FNIP2: variants seen among roughly 807,000 people sequenced by gnomAD.
The protein encoded by FNIP2 is folliculin interacting protein 2.
In FNIP2, 32 loss-of-function variants were observed where a neutral mutation model predicts 108.7. The observed-to-expected ratio is 0.29, with a 90% CI of 0.22 to 0.40. The LOEUF is 0.40. Ranked by LOEUF, FNIP2 falls within the 10% of genes least tolerant of loss-of-function variation. The pLI, the probability that FNIP2 is intolerant of heterozygous loss-of-function variation, is 1.00. For missense variants in FNIP2, 1,202 were observed against 1,381.6 expected (o/e 0.87, Z 2.06); for synonymous variants, 480 against 496.7 (o/e 0.97, Z 0.45).
chr4:158,774,328 ATGAAT>A (rs1433437187), intron 1 of FNIP2, among the ~76,000 whole-genome samples: 11 of 152,124 alleles, frequency 7.2e-5, no homozygotes, highest in African/African-American at 2.7e-4. Context: ...TTTTGCTCTA[ATGAAT>A]TTGTGTTACT....
intron 1 of FNIP2, among the ~76,000 whole-genome samples, chr4:158,794,425 G>T (rs1776516515): frequency 6.6e-6 from 1 of 152,124 alleles, no homozygotes; most frequent in South Asian, 2.1e-4. Flanking sequence ...GCCTCCCAAA[G>T]TACTGGGATC....
chr4:158,858,402 C>A (rs921850060), intron 8 of FNIP2, among the ~76,000 whole-genome samples: 1 of 152,114 alleles, frequency 6.6e-6, no homozygotes, highest in Non-Finnish European at 1.5e-5. Context: ...AGGCTTACCC[C>A]ACAAGACAAA....
intron 14 of FNIP2, among the ~76,000 whole-genome samples, chr4:158,873,622 A>G (rs1008637495): frequency 1.1e-4 from 17 of 152,230 alleles, no homozygotes; most frequent in African/African-American, 3.4e-4. Context: ...CTAGTCTCTT[A>G]TGAAAGAAAG....
At chr4:158,776,768 G>A (rs1775875182) in intron 1 of FNIP2, among the ~76,000 whole-genome samples, 1 of 152,220 alleles carries the variant, frequency 6.6e-6, no homozygotes, top group East Asian at 1.9e-4. Context: ...TTGGCAGGAA[G>A]TTGGCGTTTA....
At chr4:158,848,063 T>C (rs767948512) in intron 7 of FNIP2, among the ~76,000 whole-genome samples, 1 of 152,172 alleles carries the variant, frequency 6.6e-6, no homozygotes, top group Non-Finnish European at 1.5e-5. Context: ...AGGGGGAACT[T>C]GCCACCTTTG....
At chr4:158,864,553 T>G (rs886154032) in intron 12 of FNIP2, among the ~76,000 whole-genome samples, 4 of 152,180 alleles carry the variant, frequency 2.6e-5, no homozygotes. Flanking sequence ...TTTTGTTCTC[T>G]CTCAGCTTCT....
chr4:158,904,041 G>A (rs1030474121), intron 16 of FNIP2, among the ~76,000 whole-genome samples: 27 of 152,138 alleles, frequency 1.8e-4, no homozygotes, highest in African/African-American at 5.1e-4. Context: ...TACCATCATC[G>A]TTTTTCTAAG....
At chr4:158,834,873 A>C (rs1402947617) in intron 6 of FNIP2, 2 of 154,046 alleles carry the variant, frequency 1.3e-5, no homozygotes, top group African/African-American at 2.4e-5. Flanking sequence ...TGGAGGAAGA[A>C]ATATTTGAAA....
chr4:158,804,440 GTCTC>G (rs906813754), intron 1 of FNIP2, among the ~76,000 whole-genome samples: 4 of 149,846 alleles, frequency 2.7e-5, no homozygotes, highest in Non-Finnish European at 5.9e-5. Flanking sequence ...TGGACACAGG[GTCTC>G]TCTCTGTTGT....
chr4:158,813,084 C>A (rs1431458171), intron 1 of FNIP2, among the ~76,000 whole-genome samples: 1 of 152,102 alleles, frequency 6.6e-6, no homozygotes, highest in Admixed American at 6.6e-5. Flanking sequence ...TCCTTTTTAG[C>A]ACTGAATAAT....
intron 1 of FNIP2, among the ~76,000 whole-genome samples, chr4:158,800,229 G>A (rs1026862485): frequency 1.7e-4 from 26 of 152,140 alleles, no homozygotes; most frequent in Non-Finnish European, 2.2e-4. Flanking sequence ...CGTATAATAT[G>A]TGTACTTTAA....
chr4:158,883,308 C>A (rs1386388524), intron 14 of FNIP2, among the ~76,000 whole-genome samples: 1 of 152,080 alleles, frequency 6.6e-6, no homozygotes, highest in Admixed American at 6.5e-5. Flanking sequence ...GTGGCGCAGT[C>A]TCGGCTCACT....
intron 1 of FNIP2, among the ~76,000 whole-genome samples, chr4:158,775,122 C>T (rs538411375): frequency 9.9e-5 from 15 of 152,080 alleles, no homozygotes; most frequent in South Asian, 4.1e-4. Context: ...TTGTCCTTGC[C>T]GTCATGAAAT....
In FNIP2 at chr4:158,895,838, A is replaced by G. The variant is rs1218665079; in HGVS notation, c.3239A>G (p.His1080Arg). Residue 1080 changes from histidine to arginine, a missense_variant, in exon 16 of 17, where the codon CAT (histidine) becomes CGT (arginine). Physicochemically the swap from His to Arg is conservative, Grantham distance 29. This residue lies in a region of FNIP2 where 142 missense variants were observed against 183.8 expected (regional missense o/e 0.77). Coordinates refer to ENST00000264433, the MANE Select transcript of FNIP2 (RefSeq NM_020840.3). ...TATCTCCGGGGACACACACGAGTCC[A>G]TGTGAAAGAATTAGGTGTCGTACTG... is the stretch of plus-strand genomic sequence containing the variant. ...SEYLRGHTRV[H>R]VKELGVVLGI... The G allele has an allele frequency of 6.2e-7, 1 of 1,612,954 alleles. No homozygotes were observed. The highest frequency in any genetic ancestry group is 8.5e-7 in the Non-Finnish European group (1 of 1,179,408).
At chr4:158,864,477 G>A (rs937512926) in intron 12 of FNIP2, among the ~76,000 whole-genome samples, 5 of 152,168 alleles carry the variant, frequency 3.3e-5, no homozygotes, top group East Asian at 3.8e-4. Context: ...CAACATAGAC[G>A]TTATTAGAAT....
chr4:158,875,380 A>C (rs1578958237), intron 14 of FNIP2, among the ~76,000 whole-genome samples: 1 of 151,818 alleles, frequency 6.6e-6, no homozygotes, highest in Non-Finnish European at 1.5e-5. Flanking sequence ...TTTACAGAAT[A>C]ATTTATAAGA....
At chr4:158,816,801 AT>A (rs1332934273) in intron 1 of FNIP2, among the ~76,000 whole-genome samples, 1 of 147,994 alleles carries the variant, frequency 6.8e-6, no homozygotes, top group Non-Finnish European at 1.5e-5. Context: ...AAAAAAAAAA[AT>A]TAGCTCAGTG....
chr4:158,871,656 T>C, intron 14 of FNIP2: 3 of 985,398 alleles, frequency 3.0e-6, no homozygotes, highest in Non-Finnish European at 3.6e-6. Context: ...CAAACGTTCC[T>C]AACCCCACCC....
intron 7 of FNIP2, among the ~76,000 whole-genome samples, chr4:158,849,591 G>A (rs543385955): frequency 1.3e-5 from 2 of 152,176 alleles, no homozygotes; most frequent in Admixed American, 6.5e-5. Context: ...GGAACTAGGG[G>A]GCAGGACAGA....
Sources: gnomAD v4.1 joint callset for allele counts (sites outside exome capture counted in the v4.1 genomes callset) on GRCh38, gnomAD v4.1.1 for gene constraint, gnomAD v4.1.1 regional missense constraint, MANE v1.5 for transcripts, NCBI Gene and HGNC (gene_info 2026-07-23, HGNC 2026-07-21) for gene names.